UCMA: variants seen among roughly 807,000 people sequenced by gnomAD.
The protein encoded by UCMA is upper zone of growth plate and cartilage matrix-associated protein.
In UCMA, 21 loss-of-function variants were observed where a neutral mutation model predicts 21.8. The observed-to-expected ratio is 0.97, with a 90% CI of 0.68 to 1.39. The LOEUF (loss-of-function observed/expected upper bound fraction) is 1.39, where lower values mean the gene tolerates loss of function less well. UCMA is among the 40% of genes most tolerant of loss of function. The pLI, the probability that UCMA is intolerant of heterozygous loss-of-function variation, is 0.00. For synonymous variants in UCMA, 76 were observed against 67.9 expected, an observed-to-expected ratio of 1.12 and a Z score of -0.58; for missense variants, 193 against 178.9, an observed-to-expected ratio of 1.08 and a Z score of -0.45.
rs1392860880 is a variant in UCMA at position 13,222,062 on chromosome 10, G to C, written c.*41C>G. On this transcript the variant is annotated 3_prime_UTR_variant, in exon 5 of 5. Coordinates refer to ENST00000378681, the MANE Select transcript of UCMA (RefSeq NM_145314.3). ...TTGCTGGAACACGGGGATGCCAATG[G>C]TGCTACAAGCTTTGTCTTCTTGGCC... The C allele has an allele frequency of 6.2e-7, 1 of 1,604,212 alleles. No individual in the cohort carries two copies.
chr10:13,231,063 T>TAAAC lies in UCMA; in HGVS notation c.221-1358_221-1355dup, dbSNP rs547272207. Among the ~76,000 whole-genome samples, 5 of 107,610 alleles carry TAAAC rather than the reference T, an allele frequency of 4.6e-5. No homozygotes were observed. In the East Asian group the frequency reaches 7.9e-4, roughly 17 times the overall value. The allele number at this position is 107,610 out of a possible 152,430, so 70.6% of individuals were successfully genotyped here. ...CTCTGTCTTAAAATAAATAAATAAA[T>TAAAC]AAACAAACAAACCATCTCAAATCCT... On this transcript the variant is annotated intron_variant, in intron 3 of 4. Transcript: ENST00000378681.
chr10:13,233,642 C>T lies in UCMA; in HGVS notation c.125-9G>A, dbSNP rs766164507. 6.1e-5 allele frequency: 98 copies of T among 1,613,912 alleles called. No homozygotes were observed. In the Admixed American group the frequency reaches 1.0e-3, roughly 17 times the overall value. On this transcript the variant is annotated splice_polypyrimidine_tract_variant and intron_variant, in intron 2 of 4. Transcript: ENST00000378681. ...AATCTTCTGTTTTGCATCTGAAACC[C>T]GGGAGAGGCCTGTCACCAGCAGTGT...
At position 13,234,278 on chromosome 10, in the gene UCMA, C is replaced by A; in HGVS notation, c.-20G>T. 4 of 1,612,734 alleles carry A rather than the reference C, an allele frequency of 2.5e-6. No individual in the cohort carries two copies. Among genetic ancestry groups the A allele is most frequent in the Non-Finnish European group, 3.4e-6 (4 of 1,179,712 alleles). Reference sequence around the variant, plus strand: ...AGTCATCTTTGCAGAGGTAGGGGCTCCGTCCAGGACCCACAAGGCAGACCA... The same window carrying A: ...AGTCATCTTTGCAGAGGTAGGGGCTACGTCCAGGACCCACAAGGCAGACCA... On this transcript the variant is annotated 5_prime_UTR_variant, in exon 1 of 5. Coordinates refer to ENST00000378681, the MANE Select transcript of UCMA (RefSeq NM_145314.3).
rs376911016 is a variant in UCMA, at chr10:13,233,742, C to T, written c.117G>A (p.Ala39=). The change falls in exon 2 of 5, where the codon GCG becomes GCA. Residue 39 remains alanine (A), a synonymous_variant. Coordinates refer to ENST00000378681, the MANE Select transcript of UCMA (RefSeq NM_145314.3). ...VGTMQMAGEE[A]SEDAKQKIFM... ...GGTGGCCCCTGCACTCACCTTCACT[C>T]GCCTCTTCTCCCGCCATCTGCATGG... 297 of 1,614,040 alleles carry T rather than the reference C, an allele frequency of 1.8e-4. 1 individual carries two copies. Among genetic ancestry groups the T allele is most frequent in the Middle Eastern group, 1.6e-3 (10 of 6,062 alleles).
At chr10:13,224,637 G>A (rs1202002268) in intron 4 of UCMA, among the ~76,000 whole-genome samples, 2 of 152,140 alleles carry the variant, frequency 1.3e-5, no homozygotes, top group Non-Finnish European at 2.9e-5. Flanking sequence ...TGGTACTAGC[G>A]AAAGTGAAAC....
Position 13,222,168 on chromosome 10 carries a change from G to A in UCMA, c.352C>T (p.Gln118Ter), listed in dbSNP as rs753596032. The A allele has an allele frequency of 1.9e-6, 3 of 1,614,098 alleles. No individual in the cohort carries two copies. The South Asian group carries it at 3.3e-5, about 18-fold the overall frequency. ...QEERSREAVE[Q>*]WRQWHYDGLH... ...CCGTCATAGTGCCACTGGCGCCACT[G>A]CTCCACAGCCTCCCGGCTCCTCTCT... The change falls in exon 5 of 5, where the codon CAG becomes TAG. Residue 118 changes from glutamine to a stop codon, truncating the protein, a stop_gained. Coordinates refer to ENST00000378681, the MANE Select transcript of UCMA (RefSeq NM_145314.3). LOFTEE classifies it high-confidence loss of function.
At chr10:13,222,979 C>G (rs1834777741) in intron 4 of UCMA, among the ~76,000 whole-genome samples, 1 of 151,796 alleles carries the variant, frequency 6.6e-6, no homozygotes, top group Non-Finnish European at 1.5e-5. Flanking sequence ...AATCCCAGCA[C>G]TTTGGGAGGC....
chr10:13,229,513 G>GAA (rs112352250), intron 4 of UCMA, 98 bp downstream of exon 4: 1,526 of 922,530 alleles, frequency 1.7e-3, no homozygotes, highest in East Asian at 2.3e-3. Context: ...CTCAAAAAAA[G>GAA]AAAAAAAAAA....
rs189731664 is a variant in UCMA at position 13,232,099 on chromosome 10, C to A, written c.220+1439G>T. Among the ~76,000 whole-genome samples, 5 of 152,176 alleles carry A rather than the reference C, an allele frequency of 3.3e-5. No homozygotes were observed. The East Asian group carries it at 9.7e-4, about 29-fold the overall frequency. On this transcript the variant is annotated intron_variant, in intron 3 of 4. Transcript: ENST00000378681. ...GCTTAAGAGGACAGAAGAGGCCATG[C>A]GCGGTGGCTCATGCCTGTAATCTCA...
At chr10:13,231,187 G>A (rs4750324) in intron 3 of UCMA, among the ~76,000 whole-genome samples, 3,452 of 152,148 alleles carry the variant, frequency 0.023, 170 homozygotes, top group East Asian at 0.14. Flanking sequence ...CAAGTTATCT[G>A]TGAACTGGGC....
chr10:13,224,769 G>A (rs373005585), intron 4 of UCMA, among the ~76,000 whole-genome samples: 5 of 152,180 alleles, frequency 3.3e-5, no homozygotes, highest in Admixed American at 6.5e-5. Flanking sequence ...GTCTCACCTC[G>A]GCCCAGCTGG....
At chr10:13,232,812 G>C (rs910388627) in intron 3 of UCMA, among the ~76,000 whole-genome samples, 4 of 152,078 alleles carry the variant, frequency 2.6e-5, no homozygotes, top group Non-Finnish European at 5.9e-5. Flanking sequence ...GCAGGTTCAG[G>C]AGTAGAAACT....
At chr10:13,230,946 A>G (rs1038570836) in intron 3 of UCMA, among the ~76,000 whole-genome samples, 1 of 152,026 alleles carries the variant, frequency 6.6e-6, no homozygotes, top group African/African-American at 2.4e-5. Context: ...AATTCCAGCT[A>G]CTTGGGAGGG....
chr10:13,225,331 A>C (rs79302381), intron 4 of UCMA, among the ~76,000 whole-genome samples: 5 of 144,202 alleles, frequency 3.5e-5, no homozygotes, highest in Admixed American at 1.4e-4. Context: ...TTATGAAGTA[A>C]GTACTTTGGG....
At position 13,234,302 on chromosome 10, in the gene UCMA, C is replaced by A. The variant is rs1308753090; in HGVS notation, c.-44G>T. The stretch of plus-strand genomic sequence containing the variant: ...TCCGTCCAGGACCCACAAGGCAGAC[C>A]AGGCGTCCTGCACCCTTTGGGTCCC... On this transcript the variant is annotated 5_prime_UTR_variant, in exon 1 of 5. Transcript: ENST00000378681. The A allele has an allele frequency of 6.2e-7, 1 of 1,604,164 alleles. No individual in the cohort carries two copies. Among genetic ancestry groups the A allele is most frequent in the Admixed American group, 1.7e-5 (1 of 58,856 alleles).
Position 13,222,142 on chromosome 10 carries a change from G to A in UCMA, c.378C>T (p.Gly126=), listed in dbSNP as rs1401128415. Reference sequence around the variant, plus strand: ...GGTTGTAGAGATAGGATGGGTGCAGGCCGTCATAGTGCCACTGGCGCCACT... The same window carrying A: ...GGTTGTAGAGATAGGATGGGTGCAGACCGTCATAGTGCCACTGGCGCCACT... ...VEQWRQWHYD[G]LHPSYLYNRH... is the part of the protein sequence containing the mutation. Residue 126 remains glycine, a synonymous_variant, in exon 5 of 5, where the codon GGC becomes GGT. Transcript: ENST00000378681. 33 of 1,614,032 alleles carry A rather than the reference G, an allele frequency of 2.0e-5. No homozygotes were observed. Among genetic ancestry groups the A allele is most frequent in the Non-Finnish European group, 2.8e-5 (33 of 1,180,046 alleles).
At chr10:13,223,822 T>A (rs1056087963) in intron 4 of UCMA, among the ~76,000 whole-genome samples, 4 of 151,658 alleles carry the variant, frequency 2.6e-5, no homozygotes, top group African/African-American at 9.7e-5. Context: ...AAAGCACTAG[T>A]ATTACAGGCG....
At position 13,234,254 on chromosome 10, in the gene UCMA, G is replaced by A. The variant is rs955562413; in HGVS notation, c.5C>T (p.Thr2Ile). Residue 2 changes from threonine to isoleucine, a missense_variant, in exon 1 of 5, where the codon ACT becomes ATT. Physicochemically the swap from Thr to Ile is moderately conservative, Grantham distance 89. Coordinates refer to ENST00000378681, the MANE Select transcript of UCMA (RefSeq NM_145314.3). ...AGACAGCAGGACGGCCTGTCTCCAA[G>A]TCATCTTTGCAGAGGTAGGGGCTCC... M[T>I]WRQAVLLSCF... 1 of 1,613,706 alleles carries A rather than the reference G, an allele frequency of 6.2e-7. No homozygotes were observed. The highest frequency in any genetic ancestry group is 1.3e-5 in the African/African-American group (1 of 74,884).
At chr10:13,226,198 A>G (rs1325825464) in intron 4 of UCMA, among the ~76,000 whole-genome samples, 1 of 140,578 alleles carries the variant, frequency 7.1e-6, no homozygotes, top group Non-Finnish European at 1.5e-5. Flanking sequence ...TTTGTTGTGG[A>G]TTTTTTTTTT....
Sources: gnomAD v4.1 joint callset for allele counts (sites outside exome capture counted in the v4.1 genomes callset) on GRCh38, gnomAD v4.1.1 for gene constraint, MANE v1.5 for transcripts, NCBI Gene and HGNC (gene_info 2026-07-23, HGNC 2026-07-21) for gene names.